Variants in GPATCH3 observed in about 807,000 individuals in gnomAD.
The protein encoded by GPATCH3 is G-patch domain containing 3.
A neutral mutation model predicts 53.2 loss-of-function variants in GPATCH3; 45 were observed. The observed-to-expected ratio is 0.85, with a 90% CI of 0.67 to 1.08. The LOEUF (loss-of-function observed/expected upper bound fraction) is 1.08. GPATCH3 is among the 50% of genes least tolerant of loss of function. GPATCH3 has a pLI of 0.00. For synonymous variants in GPATCH3, 280 were observed against 270.6 expected (o/e 1.03, Z -0.34); for missense variants, 680 against 687.2 (o/e 0.99, Z 0.12).
At chr1:26,892,980 G>T in intron 4 of GPATCH3, 189 bp from the exon 5 acceptor site, 1 of 653,426 alleles carries the variant, frequency 1.5e-6, no homozygotes, top group Non-Finnish European at 2.6e-6. Flanking sequence ...GAAGATTGTG[G>T]TGCAGAAAAG....
Position 26,891,171 on chromosome 1 carries a change from C to T in GPATCH3, c.1417G>A (p.Gly473Ser). 1 of 1,614,040 alleles carries T rather than the reference C, an allele frequency of 6.2e-7. No individual in the cohort carries two copies. The highest frequency in any genetic ancestry group is 8.5e-7 in the Non-Finnish European group (1 of 1,180,010). ...TAGATGGTGGAGATGAGCCCCAAGC[C>T]ATTTCTACGGGGCCTCTTCAGTTGC... ...FGQLKRPRRN[G>S]LGLISTIYDE... Residue 473 changes from glycine (G) to serine (S), a missense_variant, in exon 7 of 7, where the codon GGC becomes AGC. Coordinates refer to ENST00000361720, the MANE Select transcript of GPATCH3 (RefSeq NM_022078.3).
chr1:26,891,075 G>T lies in GPATCH3; in HGVS notation c.1513C>A (p.Arg505=). The T allele has an allele frequency of 6.2e-7, 1 of 1,614,138 alleles. No individual in the cohort carries two copies. The highest frequency in any genetic ancestry group is 1.1e-5 in the South Asian group (1 of 91,072). The part of the protein sequence containing the change: ...RRQPPTSMKF[R]TDMAFVRGSS... ...CCCCTCACAAAGGCCATGTCTGTCC[G>T]AAACTTCATGCTGGTGGGTGGCTGG... The change falls in exon 7 of 7, where the codon CGG becomes AGG. Residue 505 remains arginine (R), a synonymous_variant. Coordinates refer to ENST00000361720, the MANE Select transcript of GPATCH3 (RefSeq NM_022078.3).
rs775870490 is a variant in GPATCH3, at chr1:26,899,943, CCT to C, written c.451+47_451+48del. On this transcript the variant is annotated intron_variant, in intron 1 of 6. Coordinates refer to ENST00000361720, the MANE Select transcript of GPATCH3 (RefSeq NM_022078.3). ...TCCTCACCACTCCTCTGAAAAGGTG[CCT>C]CTGTTCCAGGCCCGTAGGCCCAGTC... 1.6e-4 allele frequency: 249 copies of C among 1,545,902 alleles called. 1 individual carries two copies. The highest frequency in any genetic ancestry group is 2.1e-4 in the Non-Finnish European group (236 of 1,127,800).
chr1:26,896,702 A>G (rs2081952365), intron 2 of GPATCH3, among the ~76,000 whole-genome samples: 1 of 145,850 alleles, frequency 6.9e-6, no homozygotes, highest in African/African-American at 2.5e-5. Flanking sequence ...CTCTGTCTCA[A>G]AAAAAAAAAG....
intron 4 of GPATCH3, 22 bp from the exon 5 acceptor site, chr1:26,892,813 T>A: frequency 6.2e-7 from 1 of 1,610,808 alleles, no homozygotes; most frequent in East Asian, 2.2e-5. Flanking sequence ...GAGCTCAGTT[T>A]ATGGAAGCGT....
At position 26,900,409 on chromosome 1, in the gene GPATCH3, T is replaced by TCGC; in HGVS notation, c.31_33dup (p.Ala11dup). ...ATACCGCTCACTACCAGGTAAACTG[T>TCGC]CGCCTCCTCCTCCGCCTCGCCGGGC... is the stretch of plus-strand genomic sequence containing the variant. On this transcript the variant is annotated inframe_insertion, in exon 1 of 7. Transcript: ENST00000361720. 6.2e-7 allele frequency: 1 copy of TCGC among 1,611,642 alleles called. No individual in the cohort carries two copies. Among genetic ancestry groups the TCGC allele is most frequent in the Non-Finnish European group, 8.5e-7 (1 of 1,178,302 alleles).
intron 6 of GPATCH3, among the ~76,000 whole-genome samples, 195 bp from the exon 7 acceptor site, chr1:26,891,421 ATTCTGTCACTACAGAC>A (rs1489976330): frequency 6.6e-6 from 1 of 151,806 alleles, no homozygotes; most frequent in East Asian, 1.9e-4. Context: ...TAAAATTTTC[ATTCTGTCACTACAGAC>A]TTCCTAATAG....
At chr1:26,893,186 C>G in intron 4 of GPATCH3, among the ~76,000 whole-genome samples, 1 of 152,232 alleles carries the variant, frequency 6.6e-6, no homozygotes, top group East Asian at 1.9e-4. Context: ...CCCTCCTCCT[C>G]CTCCAAGAAA....
At position 26,900,254 on chromosome 1, in the gene GPATCH3, G is replaced by C; in HGVS notation, c.189C>G (p.Asn63Lys). Residue 63 changes from asparagine (N) to lysine (K), a missense_variant, in exon 1 of 7, where the codon AAC becomes AAG. Coordinates refer to ENST00000361720, the MANE Select transcript of GPATCH3 (RefSeq NM_022078.3). The stretch of plus-strand genomic sequence containing the variant: ...CTGGGTCGGTAGGAATTAGGGCAGA[G>C]TTAGGAGCGGCCTGCGGAGGGGCCC... The part of the protein sequence containing the change: ...PERAPPQAAP[N>K]SALIPTDPAA... 1 of 1,614,128 alleles carries C rather than the reference G, an allele frequency of 6.2e-7. No individual in the cohort carries two copies. The highest frequency in any genetic ancestry group is 2.2e-5 in the East Asian group (1 of 44,884).
At chr1:26,896,542 A>AT (rs2081951719) in intron 2 of GPATCH3, among the ~76,000 whole-genome samples, 5 of 144,804 alleles carry the variant, frequency 3.5e-5, no homozygotes, top group Admixed American at 1.4e-4. Flanking sequence ...ATAAAAAAAA[A>AT]AAAAAAAATT....
rs1363801844 is a variant in GPATCH3 at position 26,897,282 on chromosome 1, G to C, written c.876+19C>G. 1.2e-6 allele frequency: 2 copies of C among 1,610,256 alleles called. No individual in the cohort carries two copies. The highest frequency in any genetic ancestry group is 1.3e-5 in the African/African-American group (1 of 74,836). ...CTCTTTCAGCTGCCAGCAAGGACAG[G>C]GTAGCACACTGTACTCACCTCATCT... On this transcript the variant is annotated intron_variant, in intron 2 of 6. Coordinates refer to ENST00000361720, the MANE Select transcript of GPATCH3 (RefSeq NM_022078.3).
At chr1:26,899,695 G>C (rs1477029696) in intron 1 of GPATCH3, among the ~76,000 whole-genome samples, 1 of 152,196 alleles carries the variant, frequency 6.6e-6, no homozygotes, top group Non-Finnish European at 1.5e-5. Flanking sequence ...CAGTAAAAGG[G>C]TTAGAGACTG....
intron 1 of GPATCH3, among the ~76,000 whole-genome samples, 179 bp downstream of exon 1, chr1:26,899,813 G>T (rs745447885): frequency 6.6e-6 from 1 of 152,206 alleles, no homozygotes; most frequent in Non-Finnish European, 1.5e-5. Context: ...AGCCTCTCCG[G>T]TTTATTTTTC....
At chr1:26,899,552 T>C (rs2081965485) in intron 1 of GPATCH3, among the ~76,000 whole-genome samples, 2 of 152,234 alleles carry the variant, frequency 1.3e-5, no homozygotes, top group Non-Finnish European at 2.9e-5. Context: ...ACTGGAGGGC[T>C]CTGCACTGTC....
chr1:26,891,341 T>C (rs1462476064), intron 6 of GPATCH3, 115 bp from the exon 7 acceptor site: 1 of 743,628 alleles, frequency 1.3e-6, no homozygotes, highest in African/African-American at 1.8e-5. Context: ...ACAGAGGCTT[T>C]AAATCTGGGT....
At chr1:26,896,873 T>G (rs2081953244) in intron 2 of GPATCH3, among the ~76,000 whole-genome samples, 3 of 151,462 alleles carry the variant, frequency 2.0e-5, no homozygotes, top group Admixed American at 2.0e-4. Flanking sequence ...ATACAAAAAA[T>G]TAGCCGGGTA....
At chr1:26,893,527 GGCTT>G (rs2081937745) in intron 3 of GPATCH3, 79 bp from the exon 4 acceptor site, 1 of 860,118 alleles carries the variant, frequency 1.2e-6, no homozygotes, top group Admixed American at 2.7e-5. Context: ...GAGTTTTTTT[GGCTT>G]TTTTTTTTTT....
chr1:26,891,746 C>T (rs2081927322), intron 6 of GPATCH3, among the ~76,000 whole-genome samples: 1 of 151,764 alleles, frequency 6.6e-6, no homozygotes, highest in Non-Finnish European at 1.5e-5. Context: ...CTTGCTCTGT[C>T]ACCCAGGCTA....
chr1:26,896,442 A>G (rs1310541991), intron 2 of GPATCH3, among the ~76,000 whole-genome samples: 6 of 151,700 alleles, frequency 4.0e-5, no homozygotes, highest in Admixed American at 3.9e-4. Context: ...CTGTAATCCC[A>G]GCACTTTGGC....
Sources: gnomAD v4.1 joint callset for allele counts (sites outside exome capture counted in the v4.1 genomes callset) on GRCh38, gnomAD v4.1.1 for gene constraint, MANE v1.5 for transcripts, NCBI Gene and HGNC (gene_info 2026-07-23, HGNC 2026-07-21) for gene names.